Variants in NUP98 observed in about 807,000 individuals in gnomAD.
The protein encoded by NUP98 is nucleoporin 98 and 96 precursor.
In NUP98, 26 loss-of-function variants were observed where a neutral mutation model predicts 191.9. That is an observed-to-expected ratio of 0.14 (90% confidence interval 0.10 to 0.19). The LOEUF (loss-of-function observed/expected upper bound fraction) is 0.19. Among genes scored for constraint, NUP98 ranks in the 10% least tolerant of loss-of-function variants. NUP98 has a pLI of 1.00. For missense variants in NUP98, 1,941 were observed against 2,178.8 expected, an observed-to-expected ratio of 0.89 and a Z score of 2.17; for synonymous variants, 808 against 778.4, an observed-to-expected ratio of 1.04 and a Z score of -0.63.
In NUP98 at chr11:3,699,207, C is replaced by A. The variant is rs774420173; in HGVS notation, c.3884G>T (p.Cys1295Phe). 74 of 1,614,048 alleles carry A rather than the reference C, an allele frequency of 4.6e-5. No individual in the cohort carries two copies. The highest frequency in any genetic ancestry group is 6.0e-5 in the Non-Finnish European group (71 of 1,180,042). The change falls in exon 25 of 33, where the codon TGT becomes TTT. Residue 1295 changes from cysteine (C) to phenylalanine (F), a missense_variant. By Grantham distance (205) the Cys-to-Phe change is radical. Coordinates refer to ENST00000324932, the MANE Select transcript of NUP98 (RefSeq NM_016320.5). ...RRRAFSRWLS[C>F]TATPQIEEEV... is the part of the protein sequence containing the mutation. Reference sequence around the variant, plus strand: ...CTCTTCAATCTGAGGTGTGGCAGTACAGGATAGCCAGCGGGAGAAAGCTCT... The same window carrying A: ...CTCTTCAATCTGAGGTGTGGCAGTAAAGGATAGCCAGCGGGAGAAAGCTCT...
chr11:3,701,251 T>C (rs1301823785), intron 23 of NUP98, among the ~76,000 whole-genome samples: 1 of 144,978 alleles, frequency 6.9e-6, no homozygotes, highest in African/African-American at 2.6e-5. Flanking sequence ...CTAGGCTTGT[T>C]CCAATTTTTT....
intron 11 of NUP98, among the ~76,000 whole-genome samples, chr11:3,747,121 A>C (rs1389770686): frequency 6.6e-6 from 1 of 152,166 alleles, no homozygotes; most frequent in African/African-American, 2.4e-5. Context: ...TGTGTGATAC[A>C]ATAAAGTTCT....
chr11:3,751,503 GA>G (rs2080750946), intron 11 of NUP98, among the ~76,000 whole-genome samples: 2 of 152,126 alleles, frequency 1.3e-5, no homozygotes. Context: ...TTTCACAGCT[GA>G]AAAAGACTGG....
intron 25 of NUP98, 133 bp from the exon 26 acceptor site, chr11:3,695,739 A>T (rs2078482146): frequency 1.6e-6 from 1 of 616,714 alleles, no homozygotes; most frequent in African/African-American, 1.9e-5. Context: ...TTTCTGCAGT[A>T]GTGCCAAAAT....
At chr11:3,785,513 C>T (rs577765770) in intron 1 of NUP98, among the ~76,000 whole-genome samples, 5 of 152,290 alleles carry the variant, frequency 3.3e-5, no homozygotes, top group Non-Finnish European at 7.4e-5. Flanking sequence ...AATCCCAGCA[C>T]TTTGGGAGGC....
chr11:3,683,696 A>AC, intron 29 of NUP98, among the ~76,000 whole-genome samples: 1 of 99,378 alleles, frequency 1.0e-5, no homozygotes, highest in Non-Finnish European at 2.3e-5. Flanking sequence ...GTGCCACCAC[A>AC]CCCCGCTAAT....
intron 18 of NUP98, among the ~76,000 whole-genome samples, chr11:3,715,345 C>A (rs2079146340): frequency 6.6e-6 from 1 of 152,122 alleles, no homozygotes. Flanking sequence ...CGGGGTTTTG[C>A]CATGTTGGTC....
chr11:3,765,218 C>A (rs1309089100), intron 8 of NUP98, among the ~76,000 whole-genome samples: 1 of 152,102 alleles, frequency 6.6e-6, no homozygotes, highest in African/African-American at 2.4e-5. Flanking sequence ...GAGATAGGGT[C>A]TCATTATGTC....
chr11:3,740,123 A>T (rs2080226552), intron 12 of NUP98, among the ~76,000 whole-genome samples: 1 of 152,168 alleles, frequency 6.6e-6, no homozygotes, highest in Admixed American at 6.6e-5. Flanking sequence ...TGATCAAATG[A>T]CGCGTATCTA....
chr11:3,720,299 A>G (rs1250844228), intron 17 of NUP98, among the ~76,000 whole-genome samples: 4 of 152,246 alleles, frequency 2.6e-5, no homozygotes, highest in Middle Eastern at 6.8e-3. Context: ...CTATTATTCA[A>G]TTTTCTCAGA....
chr11:3,737,321 C>CAAAAAAAAAAAAAAA, intron 12 of NUP98, among the ~76,000 whole-genome samples: 1 of 111,966 alleles, frequency 8.9e-6, no homozygotes, highest in Non-Finnish European at 1.8e-5. Context: ...GCAGTAATAA[C>CAAAAAAAAAAAAAAA]AAAAAAAAAA....
At chr11:3,781,226 A>G (rs549386863) in intron 2 of NUP98, among the ~76,000 whole-genome samples, 1 of 151,434 alleles carries the variant, frequency 6.6e-6, no homozygotes, top group Admixed American at 6.6e-5. Flanking sequence ...TCAATTAGAG[A>G]AAAGTTTCTG....
At chr11:3,794,862 C>T (rs2082476245) in intron 1 of NUP98, among the ~76,000 whole-genome samples, 1 of 152,180 alleles carries the variant, frequency 6.6e-6, no homozygotes, top group Non-Finnish European at 1.5e-5. Context: ...AATCCACCTG[C>T]CTTGACCTTT....
chr11:3,735,638 T>A (rs368053844), intron 12 of NUP98, among the ~76,000 whole-genome samples: 13 of 152,180 alleles, frequency 8.5e-5, no homozygotes, highest in African/African-American at 2.9e-4. Context: ...AAATATTTTA[T>A]GCATACCTAT....
At chr11:3,723,482 AG>A (rs749990810) in intron 15 of NUP98, 27 bp from the exon 16 acceptor site, 2 of 1,584,422 alleles carry the variant, frequency 1.3e-6, no homozygotes, top group Non-Finnish European at 1.7e-6. Flanking sequence ...ATAATACCTT[AG>A]CCTCTTGTAG....
At position 3,706,570 on chromosome 11, in the gene NUP98, C is replaced by A. The variant is rs1363393902; in HGVS notation, c.2800G>T (p.Val934Leu). Residue 934 changes from valine to leucine, a missense_variant, in exon 21 of 33, where the codon GTA becomes TTA. By Grantham distance (32) the Val-to-Leu change is conservative. Around this residue, in one of 6 missense-constraint regions of NUP98, gnomAD observed 1,030 missense variants for 1,115.8 expected, o/e 0.92. Transcript: ENST00000324932. The stretch of plus-strand genomic sequence containing the variant: ...AAAACTGGCTCCTGGGTGATATCTA[C>A]CATGTCACTGTCCAGTTCCACAACC... ...GRVVELDSDM[V>L]DITQEPVLDT... The A allele has an allele frequency of 1.2e-6, 2 of 1,614,026 alleles. No homozygotes were observed. The highest frequency in any genetic ancestry group is 2.7e-5 in the African/African-American group (2 of 74,916).
chr11:3,748,574 G>A (rs1042131754), intron 11 of NUP98, among the ~76,000 whole-genome samples: 8 of 152,170 alleles, frequency 5.3e-5, no homozygotes, highest in African/African-American at 1.7e-4. Flanking sequence ...GGAGGCTGAG[G>A]CAGGCAGATC....
At chr11:3,743,646 CAA>C (rs34382341) in intron 12 of NUP98, among the ~76,000 whole-genome samples, 20 of 49,416 alleles carry the variant, frequency 4.0e-4, no homozygotes, top group Admixed American at 7.6e-4. Flanking sequence ...AACTCCATCT[CAA>C]AAAAAAAAAA....
Position 3,779,051 on chromosome 11 carries a change from TGAG to T in NUP98, c.179-5_179-3del. On this transcript the variant is annotated splice_region_variant and splice_polypyrimidine_tract_variant and intron_variant, in intron 3 of 32. Transcript: ENST00000324932. ...ATGAACTGGTTCCAAACAATCCTCC[TGAG>T]GAGATGGAGAAGGAGGGAAAAAGTT... 2 of 1,614,088 alleles carry T rather than the reference TGAG, an allele frequency of 1.2e-6. No individual in the cohort carries two copies. The highest frequency in any genetic ancestry group is 1.1e-5 in the South Asian group (1 of 91,076).
Sources: gnomAD v4.1 joint callset for allele counts (sites outside exome capture counted in the v4.1 genomes callset) on GRCh38, gnomAD v4.1.1 for gene constraint, gnomAD v4.1.1 regional missense constraint, MANE v1.5 for transcripts, NCBI Gene and HGNC (gene_info 2026-07-23, HGNC 2026-07-21) for gene names.